The following PTPRM variants were observed in gnomAD, a reference collection of about 807,000 sequenced individuals.
PTPRM encodes the protein protein tyrosine phosphatase receptor type M.
PTPRM carries 47 observed loss-of-function variants against 186.7 expected under a neutral mutation model. The ratio of observed to expected loss-of-function variants is 0.25; its 90% CI spans 0.20 to 0.32. PTPRM has a LOEUF of 0.32. Ranked by LOEUF, PTPRM falls within the 10% of genes least tolerant of loss-of-function variation. The probability of loss-of-function intolerance (pLI) is 1.00; values close to 1 mark genes in which losing one functional copy is unlikely to be tolerated. For missense variants in PTPRM, 1,494 were observed against 1,865.0 expected, an observed-to-expected ratio of 0.80 and a Z score of 3.66; for synonymous variants, 668 against 674.9, an observed-to-expected ratio of 0.99 and a Z score of 0.16.
In PTPRM at chr18:8,072,892, T is replaced by C. The variant is rs572449048; in HGVS notation, c.1441+2898T>C. On this transcript the variant is annotated intron_variant, in intron 8 of 32. Transcript: ENST00000580170. ...CTATCTTCCGTAACTTAATTAGTAG[T>C]ATATTAATTATTTATTCATATTGTT... 3.9e-5 allele frequency among the ~76,000 whole-genome samples: 6 copies of C among 152,340 alleles called. No homozygotes were observed. The South Asian group carries it at 1.2e-3, about 32-fold the overall frequency.
At chr18:8,333,580 C>T (rs2095423112) in intron 22 of PTPRM, among the ~76,000 whole-genome samples, 2 of 152,208 alleles carry the variant, frequency 1.3e-5, no homozygotes, top group South Asian at 2.1e-4. Flanking sequence ...TAACTGACTT[C>T]GTAACCCTTA....
chr18:8,120,246 A>G (rs1471066033), intron 13 of PTPRM, among the ~76,000 whole-genome samples: 1 of 152,182 alleles, frequency 6.6e-6, no homozygotes, highest in Non-Finnish European at 1.5e-5. Context: ...CCTCATGACT[A>G]AAAATAATAG....
At chr18:7,960,480 T>TATAC (rs1300573371) in intron 7 of PTPRM, among the ~76,000 whole-genome samples, 39 of 86,596 alleles carry the variant, frequency 4.5e-4, no homozygotes, top group African/African-American at 4.8e-4. Context: ...TATATATATA[T>TATAC]ACACACACAC....
At chr18:8,181,582 G>C (rs921390080) in intron 14 of PTPRM, among the ~76,000 whole-genome samples, 5 of 152,214 alleles carry the variant, frequency 3.3e-5, no homozygotes, top group African/African-American at 1.2e-4. Context: ...AAAGCCTTCT[G>C]TCTTGGGCAA....
chr18:8,397,284 C>T (rs1411108825), intron 32 of PTPRM, among the ~76,000 whole-genome samples: 2 of 152,234 alleles, frequency 1.3e-5, no homozygotes, highest in Non-Finnish European at 2.9e-5. Flanking sequence ...CCCTCCCTGC[C>T]AGGGCGGGTG....
At chr18:8,398,064 C>T (rs1177669293) in intron 32 of PTPRM, among the ~76,000 whole-genome samples, 1 of 152,208 alleles carries the variant, frequency 6.6e-6, no homozygotes, top group Admixed American at 6.5e-5. Context: ...CCTCAAACCC[C>T]TGGGCTCAAG....
At chr18:7,879,852 A>G (rs1053541559) in intron 2 of PTPRM, among the ~76,000 whole-genome samples, 1 of 152,158 alleles carries the variant, frequency 6.6e-6, no homozygotes, top group Non-Finnish European at 1.5e-5. Context: ...GAGGGAGTGT[A>G]TTAGTCCATT....
chr18:8,086,011 T>C (rs1287993329), intron 10 of PTPRM, 139 bp downstream of exon 10: 30 of 783,528 alleles, frequency 3.8e-5, no homozygotes, highest in Non-Finnish European at 5.5e-5. Flanking sequence ...AAGCTCAGAC[T>C]CACAGCTTTA....
chr18:7,937,842 C>A (rs2051922325), intron 5 of PTPRM, among the ~76,000 whole-genome samples: 1 of 152,192 alleles, frequency 6.6e-6, no homozygotes, highest in African/African-American at 2.4e-5. Context: ...GTGTTTCAGT[C>A]CATTGCGCTT....
intron 19 of PTPRM, among the ~76,000 whole-genome samples, chr18:8,259,674 C>A (rs1265831720): frequency 6.6e-6 from 1 of 151,850 alleles, no homozygotes; most frequent in Non-Finnish European, 1.5e-5. Context: ...GACTTAGTCT[C>A]ACTCTGTGGC....
chr18:7,833,391 A>G (rs1328834070), intron 2 of PTPRM, among the ~76,000 whole-genome samples: 1 of 152,102 alleles, frequency 6.6e-6, no homozygotes, highest in Non-Finnish European at 1.5e-5. Context: ...AAATGGGGTT[A>G]CTTTTTTATT....
At chr18:8,034,603 C>G (rs1266166910) in intron 7 of PTPRM, among the ~76,000 whole-genome samples, 1 of 152,184 alleles carries the variant, frequency 6.6e-6, no homozygotes, top group Non-Finnish European at 1.5e-5. Context: ...AGATCAAACT[C>G]CATTATATTT....
intron 14 of PTPRM, among the ~76,000 whole-genome samples, chr18:8,178,268 G>C (rs1168485653): frequency 6.6e-6 from 1 of 152,148 alleles, no homozygotes; most frequent in Non-Finnish European, 1.5e-5. Context: ...CTAAATTGCA[G>C]ACAAAAACTC....
rs111591826 is a variant in PTPRM, at chr18:7,982,094, G to A, written c.1132+26680G>A. 9.1e-3 allele frequency among the ~76,000 whole-genome samples: 1,381 copies of A among 152,122 alleles called. 18 individuals carry two copies. The highest frequency in any genetic ancestry group is 0.032 in the African/African-American group (1,325 of 41,494). ...ATTAAATTTATTTTTTTAAATTTGT[G>A]TCTTTAATAATAAATTAACCCTAGC... On this transcript the variant is annotated intron_variant, in intron 7 of 32. Coordinates refer to ENST00000580170, the MANE Select transcript of PTPRM (RefSeq NM_001105244.2).
chr18:8,167,288 A>G (rs923209956), intron 14 of PTPRM, among the ~76,000 whole-genome samples: 1 of 152,312 alleles, frequency 6.6e-6, no homozygotes, highest in East Asian at 1.9e-4. Context: ...CCCTCCTCCT[A>G]TCTGGTACCA....
intron 19 of PTPRM, among the ~76,000 whole-genome samples, chr18:8,273,003 A>G (rs1249708023): frequency 6.6e-6 from 1 of 152,180 alleles, no homozygotes; most frequent in Non-Finnish European, 1.5e-5. Context: ...TATTTTGTCT[A>G]ATTTCAATAT....
At chr18:7,904,957 C>G (rs1221188863) in intron 3 of PTPRM, among the ~76,000 whole-genome samples, 3 of 152,018 alleles carry the variant, frequency 2.0e-5, no homozygotes, top group African/African-American at 7.2e-5. Flanking sequence ...AAATTGATAA[C>G]CCTTTTACTG....
At chr18:7,660,264 A>C (rs2144373187) in intron 1 of PTPRM, among the ~76,000 whole-genome samples, 1 of 152,190 alleles carries the variant, frequency 6.6e-6, no homozygotes, top group East Asian at 1.9e-4. Context: ...TGAACCTTGG[A>C]GGCTGAGGTT....
At chr18:7,913,308 C>G (rs2050380995) in intron 4 of PTPRM, among the ~76,000 whole-genome samples, 1 of 150,048 alleles carries the variant, frequency 6.7e-6, no homozygotes, top group South Asian at 2.1e-4. Flanking sequence ...TCCTCTTTTT[C>G]CAACCCAGGT....
Sources: allele counts gnomAD v4.1 joint callset (sites outside exome capture counted in the v4.1 genomes callset), GRCh38; gene constraint gnomAD v4.1.1; transcripts MANE v1.5; gene names NCBI Gene and HGNC (gene_info 2026-07-23, HGNC 2026-07-21).